The following LRRC49 variants were observed in gnomAD, a reference collection of about 807,000 sequenced individuals.
The protein encoded by LRRC49 is leucine-rich repeat-containing protein 49.
A neutral mutation model predicts 83.3 loss-of-function variants in LRRC49; 50 were observed. That is an observed-to-expected ratio of 0.60 (90% confidence interval 0.48 to 0.76). The LOEUF (loss-of-function observed/expected upper bound fraction) is 0.76. Among genes scored for constraint, LRRC49 ranks in the 30% least tolerant of loss-of-function variants. The probability of loss-of-function intolerance (pLI) is 0.00; values close to 1 mark genes in which losing one functional copy is unlikely to be tolerated. For synonymous variants in LRRC49, 286 were observed against 283.3 expected (o/e 1.01, Z -0.10); for missense variants, 704 against 809.1 (o/e 0.87, Z 1.58).
chr15:70,901,276 T>C (rs1595997339), intron 4 of LRRC49, among the ~76,000 whole-genome samples: 1 of 152,278 alleles, frequency 6.6e-6, no homozygotes, highest in East Asian at 1.9e-4. Context: ...AAATATGACA[T>C]TGATGAAAAA....
chr15:70,987,797 A>G (rs546014555), intron 11 of LRRC49, among the ~76,000 whole-genome samples: 203 of 150,928 alleles, frequency 1.3e-3, no homozygotes, highest in African/African-American at 4.6e-3. Flanking sequence ...CCCTCTACAC[A>G]CTGCTTTGAA....
At chr15:70,912,215 C>A (rs1231556142) in intron 6 of LRRC49, among the ~76,000 whole-genome samples, 1 of 152,008 alleles carries the variant, frequency 6.6e-6, no homozygotes, top group Non-Finnish European at 1.5e-5. Context: ...GCTCCAGTTT[C>A]TTATTGATAG....
chr15:70,969,867 G>A (rs1284110284), intron 9 of LRRC49, among the ~76,000 whole-genome samples: 1 of 152,116 alleles, frequency 6.6e-6, no homozygotes, highest in African/African-American at 2.4e-5. Context: ...TCAGCTTAAG[G>A]AGTTTTGGGG....
chr15:70,869,811 C>T (rs11853599), intron 1 of LRRC49, among the ~76,000 whole-genome samples: 83,080 of 152,090 alleles, frequency 0.55, 23,485 homozygotes, highest in Admixed American at 0.69. Context: ...TGGGTTTCTC[C>T]TCTTTGCAAT....
intron 14 of LRRC49, among the ~76,000 whole-genome samples, chr15:71,027,820 C>T (rs1344453166): frequency 2.6e-5 from 4 of 152,158 alleles, no homozygotes; most frequent in Non-Finnish European, 2.9e-5. Flanking sequence ...TGAAAAGTTG[C>T]TTATCAGCTT....
intron 5 of LRRC49, among the ~76,000 whole-genome samples, chr15:70,910,133 G>T (rs2034491144): frequency 6.6e-6 from 1 of 151,986 alleles, no homozygotes. Context: ...AGGCAGTGTG[G>T]TATGTGCGTG....
At chr15:70,923,062 A>G (rs1330316086) in intron 7 of LRRC49, among the ~76,000 whole-genome samples, 2 of 152,006 alleles carry the variant, frequency 1.3e-5, no homozygotes, top group African/African-American at 4.8e-5. Context: ...GCTTCTTCCC[A>G]TAAGTCTTGA....
intron 4 of LRRC49, among the ~76,000 whole-genome samples, chr15:70,904,103 A>G (rs1483051717): frequency 2.6e-5 from 4 of 152,020 alleles, no homozygotes; most frequent in Admixed American, 6.6e-5. Flanking sequence ...TCAAGAGTCT[A>G]TGATTCTCTG....
rs375232495 is a variant in LRRC49, at chr15:71,037,239, A to G, written c.1764A>G (p.Glu588=). 1.2e-6 allele frequency: 2 copies of G among 1,611,386 alleles called. No homozygotes were observed. Among genetic ancestry groups the G allele is most frequent in the Non-Finnish European group, 8.5e-7 (1 of 1,178,220 alleles). ...GAAAAAAACCTGGTATTATCAACGA[A>G]GAAAATAATGACAGCAAAAGACTTG... ...SKGKKPGIIN[E]ENNDSKRLVG... is the part of the protein sequence containing the mutation. Residue 588 remains glutamate, a synonymous_variant, in exon 15 of 16, where the codon GAA becomes GAG. Coordinates refer to ENST00000260382, the MANE Select transcript of LRRC49 (RefSeq NM_017691.5).
In LRRC49 at chr15:70,893,606, T is replaced by A; in HGVS notation, c.71T>A (p.Val24Asp). 1 of 1,611,974 alleles carries A rather than the reference T, an allele frequency of 6.2e-7. No individual in the cohort carries two copies. The highest frequency in any genetic ancestry group is 8.5e-7 in the Non-Finnish European group (1 of 1,178,916). Residue 24 changes from valine (V) to aspartate (D), a missense_variant, in exon 2 of 16, where the codon GTT becomes GAT. Around this residue, in one of 3 missense-constraint regions of LRRC49, gnomAD observed 261 missense variants for 330.5 expected, o/e 0.79. Coordinates refer to ENST00000260382, the MANE Select transcript of LRRC49 (RefSeq NM_017691.5). Reference protein sequence around the residue: ...ANNVNCGLHLVIQTSSLPEKN... With the variant: ...ANNVNCGLHLDIQTSSLPEKN... ...CAGGTGAACTGCGGGCTTCATCTGG[T>A]TATTCAAACATCATCGCTTCCTGAA...
chr15:71,007,631 T>C (rs1374135808), intron 11 of LRRC49, among the ~76,000 whole-genome samples: 1 of 150,614 alleles, frequency 6.6e-6, no homozygotes, highest in Non-Finnish European at 1.5e-5. Context: ...TAGCTATGAT[T>C]TAGATAGCCT....
At chr15:71,044,708 C>CA (rs1369799663) in intron 15 of LRRC49, among the ~76,000 whole-genome samples, 1 of 151,826 alleles carries the variant, frequency 6.6e-6, no homozygotes, top group African/African-American at 2.4e-5. Flanking sequence ...GTCGTTTGAG[C>CA]CTGGGAGGCA....
intron 8 of LRRC49, among the ~76,000 whole-genome samples, chr15:70,952,409 T>C (rs1340535788): frequency 2.6e-5 from 4 of 152,008 alleles, no homozygotes; most frequent in Admixed American, 1.3e-4. Flanking sequence ...TTTTGGTTGG[T>C]AGACTTTTTA....
At chr15:70,986,391 A>G (rs1033905699) in intron 11 of LRRC49, among the ~76,000 whole-genome samples, 7 of 150,000 alleles carry the variant, frequency 4.7e-5, no homozygotes, top group African/African-American at 1.7e-4. Context: ...ATTCTCTTTG[A>G]AGCAATTGTG....
chr15:70,937,665 G>A (rs1208748911), intron 8 of LRRC49, among the ~76,000 whole-genome samples: 1 of 152,010 alleles, frequency 6.6e-6, no homozygotes, highest in Non-Finnish European at 1.5e-5. Context: ...GTTGTCTGTT[G>A]GCATGTTTTT....
intron 8 of LRRC49, among the ~76,000 whole-genome samples, chr15:70,948,467 C>T (rs1361401274): frequency 2.0e-5 from 3 of 150,686 alleles, no homozygotes; most frequent in African/African-American, 4.9e-5. Flanking sequence ...TACTTTTAGC[C>T]CTCAGGAATT....
chr15:70,894,016 T>C (rs1345530694), intron 2 of LRRC49, among the ~76,000 whole-genome samples: 1 of 152,080 alleles, frequency 6.6e-6, no homozygotes, highest in Non-Finnish European at 1.5e-5. Flanking sequence ...CACCTCAGCC[T>C]CCTGAATAGC....
Position 70,904,576 on chromosome 15 carries a change from C to A in LRRC49, c.321C>A (p.Ile107=). ...LERQKLTVCP[I]INGEDHLRLL... Reference sequence around the variant, plus strand: ...GACAAAAGCTGACCGTATGTCCTATCATCAATGGGGAAGACCACCTTCGTT... The same window carrying A: ...GACAAAAGCTGACCGTATGTCCTATAATCAATGGGGAAGACCACCTTCGTT... The change falls in exon 5 of 16, where the codon ATC becomes ATA. Residue 107 remains isoleucine, a synonymous_variant. Coordinates refer to ENST00000260382, the MANE Select transcript of LRRC49 (RefSeq NM_017691.5). 6.2e-7 allele frequency: 1 copy of A among 1,613,372 alleles called. No individual in the cohort carries two copies. Among genetic ancestry groups the A allele is most frequent in the Non-Finnish European group, 8.5e-7 (1 of 1,179,426 alleles).
At chr15:71,048,961 T>A (rs560694818) in intron 15 of LRRC49, 3 of 401,882 alleles carry the variant, frequency 7.5e-6, no homozygotes, top group South Asian at 5.5e-5. Context: ...TAATAGAGGG[T>A]AAATTCAGAG....
Sources: gnomAD v4.1 joint callset for allele counts (sites outside exome capture counted in the v4.1 genomes callset) on GRCh38, gnomAD v4.1.1 for gene constraint, gnomAD v4.1.1 regional missense constraint, MANE v1.5 for transcripts, NCBI Gene and HGNC (gene_info 2026-07-23, HGNC 2026-07-21) for gene names.